APLF: variants seen among roughly 807,000 people sequenced by gnomAD.
The protein encoded by APLF is aprataxin and PNKP like factor.
APLF carries 61 observed loss-of-function variants against 55.6 expected under a neutral mutation model. That is an observed-to-expected ratio of 1.10 (90% CI 0.89 to 1.36). The LOEUF is 1.36. Among genes scored for constraint, APLF ranks in the 40% most tolerant of loss-of-function variants. The probability of loss-of-function intolerance (pLI) is 0.00; values close to 1 mark genes in which losing one functional copy is unlikely to be tolerated. For synonymous variants in APLF, 207 were observed against 214.8 expected, an observed-to-expected ratio of 0.96 and a Z score of 0.32; for missense variants, 611 against 602.5, an observed-to-expected ratio of 1.01 and a Z score of -0.15.
chr2:68,530,013 C>T lies in APLF; in HGVS notation c.804+3771C>T, dbSNP rs532078146. Reference sequence around the variant, plus strand: ...GCCTCAAGGGCCACCAGCCTCGCTCCGCAGGTTTCCAAAGAGAGGACGCGG... The same window carrying T: ...GCCTCAAGGGCCACCAGCCTCGCTCTGCAGGTTTCCAAAGAGAGGACGCGG... On this transcript the variant is annotated intron_variant, in intron 6 of 9. Transcript: ENST00000303795. 2.0e-4 allele frequency among the ~76,000 whole-genome samples: 30 copies of T among 152,340 alleles called. No homozygotes were observed. The East Asian group carries it at 3.1e-3, about 16-fold the overall frequency.
At chr2:68,480,035 A>C (rs1029621944) in intron 1 of APLF, among the ~76,000 whole-genome samples, 1 of 152,202 alleles carries the variant, frequency 6.6e-6, no homozygotes, top group Non-Finnish European at 1.5e-5. Context: ...TACATATAAC[A>C]TGCAAAATAT....
chr2:68,504,944 CT>C (rs1676831013), intron 3 of APLF, among the ~76,000 whole-genome samples: 1 of 152,018 alleles, frequency 6.6e-6, no homozygotes, highest in African/African-American at 2.4e-5. Flanking sequence ...TTTGTTTCAG[CT>C]TTTAAACAAA....
intron 8 of APLF, among the ~76,000 whole-genome samples, chr2:68,565,004 T>C (rs1671262477): frequency 6.6e-6 from 1 of 152,106 alleles, no homozygotes; most frequent in Non-Finnish European, 1.5e-5. Flanking sequence ...TTTTCTCAGC[T>C]TTGTTACCCA....
At position 68,565,518 on chromosome 2, in the gene APLF, C is replaced by CATAT. The variant is rs1671283156; in HGVS notation, c.1287-1820_1287-1819insTATA. ...AGATAGACAGATAGACAGATAGATA[C>CATAT]ATACATACATACATACATACATACA... is the stretch of plus-strand genomic sequence containing the variant. On this transcript the variant is annotated intron_variant, in intron 8 of 9. Transcript: ENST00000303795. Among the ~76,000 whole-genome samples, 7 of 102,528 alleles carry CATAT rather than the reference C, an allele frequency of 6.8e-5. 1 individual carries two copies. The highest frequency in any genetic ancestry group is 4.0e-4 in the African/African-American group (6 of 14,866). 67.3% of individuals were successfully genotyped at this position (102,528 alleles called of 152,430 possible).
intron 5 of APLF, among the ~76,000 whole-genome samples, chr2:68,517,423 A>T (rs1477604125): frequency 7.6e-6 from 1 of 132,414 alleles, no homozygotes; most frequent in Non-Finnish European, 1.5e-5. Flanking sequence ...ATATTACTAT[A>T]TATTAATATA....
intron 2 of APLF, among the ~76,000 whole-genome samples, chr2:68,502,395 T>C (rs1676748993): frequency 6.6e-6 from 1 of 152,264 alleles, no homozygotes; most frequent in Middle Eastern, 3.4e-3. Flanking sequence ...CTAAGAATTA[T>C]TTTTCATATT....
At chr2:68,533,392 A>G (rs903334002) in intron 6 of APLF, among the ~76,000 whole-genome samples, 8 of 152,256 alleles carry the variant, frequency 5.3e-5, no homozygotes, top group African/African-American at 1.9e-4. Context: ...AGCCTAACTG[A>G]AACAACATAA....
intron 8 of APLF, among the ~76,000 whole-genome samples, chr2:68,551,059 A>T (rs1670846169): frequency 6.6e-6 from 1 of 151,990 alleles, no homozygotes. Flanking sequence ...GAAATTCTTT[A>T]CATTTTTGTG....
chr2:68,545,182 C>T lies in APLF; in HGVS notation c.1161-5C>T, dbSNP rs547935887. The T allele has an allele frequency of 1.6e-5, 25 of 1,612,552 alleles. No homozygotes were observed. The highest frequency in any genetic ancestry group is 2.2e-5 in the South Asian group (2 of 90,910). On this transcript the variant is annotated splice_polypyrimidine_tract_variant and splice_region_variant and intron_variant, in intron 7 of 9. Transcript: ENST00000303795. Reference sequence around the variant, plus strand: ...TTTCTGACAGTATATTTGTCGCCCTCCTAGGAAGAATCCTGTTCATTTTCA... The same window carrying T: ...TTTCTGACAGTATATTTGTCGCCCTTCTAGGAAGAATCCTGTTCATTTTCA...
chr2:68,545,236 T>A lies in APLF; in HGVS notation c.1210T>A (p.Tyr404Asn). ...TTTTAGCCATCCTGGTGATAGTGAT[T>A]ATGGAGGTGTACAAATCGTGGGCCA... Reference protein sequence around the residue: ...QHFSHPGDSDYGGVQIVGQDE... With the variant: ...QHFSHPGDSDNGGVQIVGQDE... The change falls in exon 8 of 10, where the codon TAT (tyrosine) becomes AAT (asparagine). Residue 404 changes from tyrosine (Y) to asparagine (N), a missense_variant. Physicochemically the swap from Tyr to Asn is moderately radical, Grantham distance 143. Coordinates refer to ENST00000303795, the MANE Select transcript of APLF (RefSeq NM_173545.3). 1 of 1,613,872 alleles carries A rather than the reference T, an allele frequency of 6.2e-7. No homozygotes were observed. Among genetic ancestry groups the A allele is most frequent in the South Asian group, 1.1e-5 (1 of 91,066 alleles).
chr2:68,475,184 C>T (rs935539889), intron 1 of APLF, among the ~76,000 whole-genome samples: 2 of 152,154 alleles, frequency 1.3e-5, no homozygotes, highest in Admixed American at 6.5e-5. Flanking sequence ...TTAAGCTTTC[C>T]TTATGTCTTT....
intron 5 of APLF, chr2:68,515,543 A>G (rs1337699298): frequency 4.2e-6 from 4 of 959,978 alleles, no homozygotes; most frequent in Admixed American, 6.2e-5. Context: ...ATAATAGTTC[A>G]ACATGTATTT....
chr2:68,578,346 T>C lies in APLF; in HGVS notation c.*324T>C. On this transcript the variant is annotated 3_prime_UTR_variant, in exon 10 of 10. Transcript: ENST00000303795. ...AGCCATAGGTTGCATAAAACTTTGG[T>C]CTTTTTAAATTTTTTTCCAAAGATT... The C allele has an allele frequency of 9.7e-7, 1 of 1,030,106 alleles. No individual in the cohort carries two copies. The highest frequency in any genetic ancestry group is 4.9e-4 in the Middle Eastern group (1 of 2,052). The allele number at this position is 1,030,106 out of a possible 1,614,324, so 63.8% of individuals were successfully genotyped here.
chr2:68,477,444 A>G (rs1042449268), intron 1 of APLF, among the ~76,000 whole-genome samples: 2 of 152,070 alleles, frequency 1.3e-5, no homozygotes, highest in African/African-American at 4.8e-5. Context: ...ATCAGCCTGG[A>G]CAACATAATG....
chr2:68,545,149 A>G (rs1253198007), intron 7 of APLF, 38 bp from the exon 8 acceptor site: 5 of 1,478,164 alleles, frequency 3.4e-6, no homozygotes, highest in Non-Finnish European at 4.6e-6. Context: ...AGAATATCCT[A>G]TTTTTTTTTT....
At chr2:68,566,809 G>T (rs973660992) in intron 8 of APLF, among the ~76,000 whole-genome samples, 3 of 151,642 alleles carry the variant, frequency 2.0e-5, no homozygotes, top group African/African-American at 7.3e-5. Flanking sequence ...TCCAGAATAT[G>T]TTTTTTTTGT....
chr2:68,501,122 T>C (rs1473071125), intron 2 of APLF, among the ~76,000 whole-genome samples: 1 of 152,202 alleles, frequency 6.6e-6, no homozygotes, highest in Non-Finnish European at 1.5e-5. Context: ...CATCTCTGTT[T>C]TAAATTTCTA....
intron 1 of APLF, among the ~76,000 whole-genome samples, chr2:68,473,163 C>T (rs1031488346): frequency 1.1e-4 from 17 of 152,140 alleles, no homozygotes; most frequent in African/African-American, 4.1e-4. Context: ...ATTTTCTGTG[C>T]TCTGCCTATT....
At chr2:68,485,636 C>T (rs939134160) in intron 1 of APLF, among the ~76,000 whole-genome samples, 7 of 151,972 alleles carry the variant, frequency 4.6e-5, no homozygotes, top group Admixed American at 1.3e-4. Flanking sequence ...TTAATTTTTA[C>T]ATTGATAGTT....
Sources: allele counts gnomAD v4.1 joint callset (sites outside exome capture counted in the v4.1 genomes callset), GRCh38; gene constraint gnomAD v4.1.1; transcripts MANE v1.5; gene names NCBI Gene and HGNC (gene_info 2026-07-23, HGNC 2026-07-21).